CENPW: variants seen among roughly 807,000 people sequenced by gnomAD.
CENPW encodes the protein cancer-up-regulated gene 2 protein.
In CENPW, 3 loss-of-function variants were observed where a neutral mutation model predicts 11.1. That is an observed-to-expected ratio of 0.27 (90% CI 0.12 to 0.70). The LOEUF (loss-of-function observed/expected upper bound fraction) is 0.70, where lower values mean the gene tolerates loss of function less well. Ranked by LOEUF, CENPW falls within the 30% of genes least tolerant of loss-of-function variation. CENPW has a pLI of 0.77. For synonymous variants in CENPW, 38 were observed against 42.0 expected (o/e 0.91, Z 0.37); for missense variants, 100 against 105.6 (o/e 0.95, Z 0.23).
At chr6:126,391,035 T>C in the CENPW span, among the ~76,000 whole-genome samples, 1 of 151,714 alleles carries the variant, frequency 6.6e-6, no homozygotes, top group Non-Finnish European at 1.5e-5. Flanking sequence ...TGCTACTTTG[T>C]GGAAACCTCC....
Position 126,340,214 on chromosome 6 carries a change from G to A in CENPW, c.-60G>A. The stretch of plus-strand genomic sequence containing the variant: ...TTTTCGCTGGCCCAGTGTCCCCGGA[G>A]CTTGTGTGCGATACAGAGAGCACCT... On this transcript the variant is annotated 5_prime_UTR_variant, in exon 1 of 3. Transcript: ENST00000368328. The A allele has an allele frequency of 1.3e-6, 2 of 1,535,068 alleles. No individual in the cohort carries two copies. Among genetic ancestry groups the A allele is most frequent in the Non-Finnish European group, 1.8e-6 (2 of 1,113,592 alleles).
At chr6:126,435,639 T>C in the CENPW span, among the ~76,000 whole-genome samples, 4 of 151,920 alleles carry the variant, frequency 2.6e-5, no homozygotes, top group Non-Finnish European at 4.4e-5. Flanking sequence ...CTGCAATCTA[T>C]GTTACTTATG....
At chr6:126,456,890 T>A in the CENPW span, among the ~76,000 whole-genome samples, 1 of 151,608 alleles carries the variant, frequency 6.6e-6, no homozygotes, top group Non-Finnish European at 1.5e-5. Flanking sequence ...GCAAAGGACA[T>A]GAACAGACAC....
At chr6:126,447,020 A>G in the CENPW span, among the ~76,000 whole-genome samples, 1 of 151,154 alleles carries the variant, frequency 6.6e-6, no homozygotes, top group East Asian at 1.9e-4. Flanking sequence ...AGTAACCCAA[A>G]CTAGAAAATT....
At chr6:126,434,598 C>A in the CENPW span, among the ~76,000 whole-genome samples, 73 of 152,016 alleles carry the variant, frequency 4.8e-4, no homozygotes, top group African/African-American at 1.7e-3. Flanking sequence ...ATGAAAACTA[C>A]GTTACAAATT....
At chr6:126,405,197 T>C in the CENPW span, among the ~76,000 whole-genome samples, 2 of 152,120 alleles carry the variant, frequency 1.3e-5, no homozygotes, top group East Asian at 3.8e-4. Context: ...GATTGAAATC[T>C]AGTTTTTTCT....
chr6:126,447,493 A>C, the CENPW span, among the ~76,000 whole-genome samples: 2 of 151,240 alleles, frequency 1.3e-5, no homozygotes, highest in Non-Finnish European at 3.0e-5. Flanking sequence ...GTAAACAATA[A>C]GGAGCTTACA....
chr6:126,402,331 CT>C, the CENPW span, among the ~76,000 whole-genome samples: 1 of 151,534 alleles, frequency 6.6e-6, no homozygotes, highest in Non-Finnish European at 1.5e-5. Flanking sequence ...CTTCCTTCCC[CT>C]CTCCATCTTT....
chr6:126,345,566 C>T (rs1174576650), intron 1 of CENPW, among the ~76,000 whole-genome samples: 1 of 151,834 alleles, frequency 6.6e-6, no homozygotes, highest in Non-Finnish European at 1.5e-5. Flanking sequence ...TTTTAATAGA[C>T]TTTAAAATTT....
At chr6:126,375,711 C>G in the CENPW span, among the ~76,000 whole-genome samples, 1 of 151,942 alleles carries the variant, frequency 6.6e-6, no homozygotes, top group African/African-American at 2.4e-5. Flanking sequence ...GCTGCTTGTC[C>G]ATATTCCTCT....
chr6:126,452,478 A>G, the CENPW span, among the ~76,000 whole-genome samples: 2 of 151,142 alleles, frequency 1.3e-5, no homozygotes, highest in Admixed American at 1.3e-4. Flanking sequence ...AGTAGCAACA[A>G]CAACAAACCA....
chr6:126,462,782 T>G, the CENPW span, among the ~76,000 whole-genome samples: 5 of 151,970 alleles, frequency 3.3e-5, no homozygotes, highest in Admixed American at 2.6e-4. Flanking sequence ...GTAACTGATG[T>G]AATGAGCTCA....
At chr6:126,361,803 G>A in the CENPW span, among the ~76,000 whole-genome samples, 1 of 152,178 alleles carries the variant, frequency 6.6e-6, no homozygotes, top group African/African-American at 2.4e-5. Flanking sequence ...CTGGTACTGT[G>A]GAAAGAGGCA....
chr6:126,420,695 A>G, the CENPW span, among the ~76,000 whole-genome samples: 1 of 152,148 alleles, frequency 6.6e-6, no homozygotes. Flanking sequence ...CTTTGAAGAA[A>G]ATGTCCTCTG....
At chr6:126,389,271 A>G in the CENPW span, among the ~76,000 whole-genome samples, 135 of 152,084 alleles carry the variant, frequency 8.9e-4, 1 homozygote, top group African/African-American at 3.0e-3. Flanking sequence ...GACAATTGCT[A>G]TCTACAGTTG....
chr6:126,348,049 A>G (rs1321807656), intron 2 of CENPW, among the ~76,000 whole-genome samples: 1 of 151,976 alleles, frequency 6.6e-6, no homozygotes, highest in Non-Finnish European at 1.5e-5. Flanking sequence ...CTGATTTATA[A>G]TAGACTTTTT....
the CENPW span, among the ~76,000 whole-genome samples, chr6:126,384,577 A>G: frequency 6.6e-6 from 1 of 152,202 alleles, no homozygotes; most frequent in Non-Finnish European, 1.5e-5. Context: ...AGCCATATGC[A>G]GAAAGTTGAA....
chr6:126,432,087 A>C, the CENPW span, among the ~76,000 whole-genome samples: 4 of 151,690 alleles, frequency 2.6e-5, no homozygotes, highest in Non-Finnish European at 5.9e-5. Flanking sequence ...AAAAAAAAAA[A>C]AAAAGAGGGT....
chr6:126,418,229 A>G, the CENPW span, among the ~76,000 whole-genome samples: 1 of 152,220 alleles, frequency 6.6e-6, no homozygotes, highest in Non-Finnish European at 1.5e-5. Flanking sequence ...ATGTGACCAG[A>G]CAGTTCACTC....
Sources: allele counts gnomAD v4.1 joint callset (sites outside exome capture counted in the v4.1 genomes callset), GRCh38; gene constraint gnomAD v4.1.1; transcripts MANE v1.5; gene names NCBI Gene and HGNC (gene_info 2026-07-23, HGNC 2026-07-21).